Variants in CATSPERG observed in about 807,000 individuals in gnomAD.
The protein encoded by CATSPERG is cation channel sperm-associated auxiliary subunit gamma.
In CATSPERG, 115 loss-of-function variants were observed where a neutral mutation model predicts 145.0. The ratio of observed to expected loss-of-function variants is 0.79; its 90% CI spans 0.68 to 0.93. The LOEUF (loss-of-function observed/expected upper bound fraction) is 0.93, where lower values mean the gene tolerates loss of function less well. Ranked by LOEUF, CATSPERG falls within the 40% of genes least tolerant of loss-of-function variation. The pLI is 0.00. For missense variants in CATSPERG, 1,296 were observed against 1,490.1 expected (o/e 0.87, Z 2.14); for synonymous variants, 588 against 589.0 (o/e 1.00, Z 0.02).
At chr19:38,350,787 G>A (rs1453253886) in intron 7 of CATSPERG, among the ~76,000 whole-genome samples, 2 of 152,100 alleles carry the variant, frequency 1.3e-5, no homozygotes, top group Admixed American at 6.6e-5. Flanking sequence ...CTACGAGTTC[G>A]AGACCAGCCT....
chr19:38,351,138 C>G (rs1970131951), intron 7 of CATSPERG, among the ~76,000 whole-genome samples: 1 of 152,162 alleles, frequency 6.6e-6, no homozygotes, highest in African/African-American at 2.4e-5. Flanking sequence ...TGGTACAGCT[C>G]AGGTCCCTAC....
Position 38,362,225 on chromosome 19 carries a change from G to A in CATSPERG, c.2110G>A (p.Val704Met), listed in dbSNP as rs1970361035. Residue 704 changes from valine to methionine, a missense_variant, in exon 18 of 29, where the codon GTG becomes ATG. Physicochemically the swap from Val to Met is conservative, Grantham distance 21. Transcript: ENST00000409235. ...SVYDKPYADPVHDPTWRWWAN... is the reference protein window; with the variant it reads ...SVYDKPYADPMHDPTWRWWAN... ...ATCCCTGCAGCCGTACGCGGACCCG[G>A]TGCACGACCCCACCTGGCGCTGGTG... 1 of 1,605,402 alleles carries A rather than the reference G, an allele frequency of 6.2e-7. No individual in the cohort carries two copies.
intron 13 of CATSPERG, 31 bp from the exon 14 acceptor site, chr19:38,359,439 T>C: frequency 1.4e-6 from 2 of 1,464,104 alleles, no homozygotes; most frequent in East Asian, 2.3e-5. Context: ...CTGTCCAGCA[T>C]GCGCCTAGCT....
chr19:38,358,502 C>T lies in CATSPERG; in HGVS notation c.1437C>T (p.Gly479=). Residue 479 remains glycine (G), a synonymous_variant, in exon 13 of 29, where the codon GGC becomes GGT. Coordinates refer to ENST00000409235, the MANE Select transcript of CATSPERG (RefSeq NM_021185.5). ...SYTSTAMAPK[G]IFCNPYNNLI... ...CCAGCACTGCAATGGCCCCCAAGGGCATCTTCTGTAACCCGTACAACAATC... is the reference window on the plus strand; with the variant it reads ...CCAGCACTGCAATGGCCCCCAAGGGTATCTTCTGTAACCCGTACAACAATC... 2 of 1,614,202 alleles carry T rather than the reference C, an allele frequency of 1.2e-6. No homozygotes were observed. The highest frequency in any genetic ancestry group is 1.7e-6 in the Non-Finnish European group (2 of 1,180,034).
rs777184288 is a variant in CATSPERG, at chr19:38,354,736, G to A, written c.1024G>A (p.Glu342Lys). The A allele has an allele frequency of 5.6e-6, 9 of 1,614,192 alleles. No homozygotes were observed. Among genetic ancestry groups the A allele is most frequent in the Admixed American group, 1.7e-5 (1 of 60,016 alleles). ...CAGTTGGATTCGTGTCCTGGCCAGCGAGTGCATCAAGAAGCTGTGCCCTGT... is the reference window on the plus strand; with the variant it reads ...CAGTTGGATTCGTGTCCTGGCCAGCAAGTGCATCAAGAAGCTGTGCCCTGT... ...SGSWIRVLASECIKKLCPVYF... is the reference protein window; with the variant it reads ...SGSWIRVLASKCIKKLCPVYF... The change falls in exon 9 of 29, where the codon GAG (glutamate) becomes AAG (lysine). Residue 342 changes from glutamate to lysine, a missense_variant. Coordinates refer to ENST00000409235, the MANE Select transcript of CATSPERG (RefSeq NM_021185.5).
chr19:38,342,578 C>T (rs938821789), intron 3 of CATSPERG, among the ~76,000 whole-genome samples: 1 of 144,824 alleles, frequency 6.9e-6, no homozygotes, highest in African/African-American at 2.6e-5. Flanking sequence ...GTAGCCTGGG[C>T]GACAGAGTGA....
At chr19:38,365,373 T>A in intron 22 of CATSPERG, 1 of 434,746 alleles carries the variant, frequency 2.3e-6, no homozygotes, top group East Asian at 4.2e-5. Flanking sequence ...TTGGCTCAAG[T>A]GATTCTCCTG....
intron 1 of CATSPERG, 89 bp from the exon 2 acceptor site, chr19:38,337,132 C>T: frequency 1.4e-6 from 2 of 1,458,402 alleles, no homozygotes; most frequent in African/African-American, 1.4e-5. Flanking sequence ...GGAGCAAGTG[C>T]TGTGAGAGGC....
rs569534561 is a variant in CATSPERG, at chr19:38,347,712, G to T, written c.825+1107G>T. ...TCCCAGCACTTTGGGAGACCGAGGCGGGTGGATCACCTGAGGTCAGGAGTT... is the reference window on the plus strand; with the variant it reads ...TCCCAGCACTTTGGGAGACCGAGGCTGGTGGATCACCTGAGGTCAGGAGTT... On this transcript the variant is annotated intron_variant, in intron 7 of 28. Transcript: ENST00000409235. 6.6e-5 allele frequency among the ~76,000 whole-genome samples: 10 copies of T among 152,276 alleles called. No homozygotes were observed. The South Asian group carries it at 1.9e-3, about 28-fold the overall frequency.
At chr19:38,367,963 G>T in intron 25 of CATSPERG, 85 bp from the exon 26 acceptor site, 1 of 1,312,634 alleles carries the variant, frequency 7.6e-7, no homozygotes, top group South Asian at 1.2e-5. Context: ...ACCCACCTGT[G>T]GCCTCCCTCC....
At chr19:38,350,061 G>C (rs1970110854) in intron 7 of CATSPERG, among the ~76,000 whole-genome samples, 1 of 152,170 alleles carries the variant, frequency 6.6e-6, no homozygotes, top group African/African-American at 2.4e-5. Context: ...GCCTCTGTAT[G>C]ATGGCAGCCA....
chr19:38,364,161 A>C (rs1190888595), intron 20 of CATSPERG, among the ~76,000 whole-genome samples: 1 of 151,046 alleles, frequency 6.6e-6, no homozygotes, highest in Non-Finnish European at 1.5e-5. Context: ...ACCTCCCTCC[A>C]GGACGGGGTG....
At chr19:38,339,997 G>A (rs2145060614) in intron 3 of CATSPERG, among the ~76,000 whole-genome samples, 1 of 152,190 alleles carries the variant, frequency 6.6e-6, no homozygotes, top group South Asian at 2.1e-4. Flanking sequence ...AGGAATTACA[G>A]GCATGCGCCA....
chr19:38,361,295 T>C (rs955316913), intron 16 of CATSPERG, among the ~76,000 whole-genome samples: 1 of 151,974 alleles, frequency 6.6e-6, no homozygotes, highest in African/African-American at 2.4e-5. Flanking sequence ...CCTCCGGTCA[T>C]CGTCCTGCGG....
chr19:38,364,999 G>T, intron 21 of CATSPERG, 28 bp downstream of exon 21: 1 of 1,613,172 alleles, frequency 6.2e-7, no homozygotes, highest in Non-Finnish European at 8.5e-7. Context: ...AGGGGAGGGT[G>T]CAGGATGGTG....
In CATSPERG at chr19:38,370,250, A is replaced by C. The variant is rs200301547; in HGVS notation, c.3205A>C (p.Ile1069Leu). ...ACTCAGTCCCAAGCGGGCCCTTTTC[A>C]TCATCATGGTGAGTGGCTGTCCGGG... ...LPLSPKRALF[I>L]IMVSASVFVG... The change falls in exon 28 of 29, where the codon ATC (isoleucine) becomes CTC (leucine). Residue 1069 changes from isoleucine to leucine, a missense_variant. Ile to Leu is a conservative substitution (Grantham distance 5, BLOSUM62 2). Transcript: ENST00000409235. 5.0e-6 allele frequency: 8 copies of C among 1,613,152 alleles called. No individual in the cohort carries two copies. In the East Asian group the frequency reaches 1.6e-4, roughly 31 times the overall value.
chr19:38,361,414 C>T (rs1489251990), intron 16 of CATSPERG, among the ~76,000 whole-genome samples: 2 of 152,000 alleles, frequency 1.3e-5, no homozygotes, highest in African/African-American at 4.8e-5. Flanking sequence ...GTCAAGTGGA[C>T]AGGCAGATGG....
At chr19:38,357,604 C>T (rs1331455859) in intron 11 of CATSPERG, among the ~76,000 whole-genome samples, 1 of 151,846 alleles carries the variant, frequency 6.6e-6, no homozygotes, top group Non-Finnish European at 1.5e-5. Context: ...AATGCTTGAG[C>T]TCAGGCGTTC....
At chr19:38,369,794 G>GT (rs1281825096) in intron 26 of CATSPERG, among the ~76,000 whole-genome samples, 178 bp from the exon 27 acceptor site, 13 of 152,220 alleles carry the variant, frequency 8.5e-5, no homozygotes, top group Admixed American at 8.5e-4. Context: ...TAGACAACCT[G>GT]TGGCACAGTA....
Sources: allele counts gnomAD v4.1 joint callset (sites outside exome capture counted in the v4.1 genomes callset), GRCh38; gene constraint gnomAD v4.1.1; transcripts MANE v1.5; gene names NCBI Gene and HGNC (gene_info 2026-07-23, HGNC 2026-07-21).